The following DACH2 variants were observed in gnomAD, a reference collection of about 807,000 sequenced individuals.
The protein encoded by DACH2 is dachshund homolog 2.
A neutral mutation model predicts 35.8 loss-of-function variants in DACH2; 17 were observed. The ratio of observed to expected loss-of-function variants is 0.48; its 90% CI spans 0.33 to 0.71. The LOEUF is 0.71. DACH2 is among the 30% of genes least tolerant of loss of function. The pLI, the probability that DACH2 is intolerant of heterozygous loss-of-function variation, is 0.02. For missense variants in DACH2, 469 were observed against 472.7 expected (o/e 0.99, Z 0.07); for synonymous variants, 195 against 177.3 (o/e 1.10, Z -0.79).
intron 7 of DACH2, among the ~76,000 whole-genome samples, chrX:86,784,710 A>G (rs765140560): frequency 8.9e-6 from 1 of 112,102 alleles, no homozygotes; most frequent in East Asian, 2.8e-4. Context: ...CACAATAGCA[A>G]AGACATGGAA....
chrX:86,311,250 G>T lies in DACH2; in HGVS notation c.489-65574G>T, dbSNP rs545807724. On this transcript the variant is annotated intron_variant, in intron 1 of 11. Transcript: ENST00000373125. ...CAAGATTACCATCCATGGACTCACG[G>T]AATGCCTTATCCACCATCACGGTAT... Among the ~76,000 whole-genome samples, 20 of 112,075 alleles carry T rather than the reference G, an allele frequency of 1.8e-4. 1 individual carries two copies. Among genetic ancestry groups the T allele is most frequent in the African/African-American group, 3.9e-4 (12 of 30,875 alleles).
At chrX:86,786,071 C>G (rs1256061627) in intron 7 of DACH2, among the ~76,000 whole-genome samples, 2 of 111,277 alleles carry the variant, frequency 1.8e-5, no homozygotes, top group African/African-American at 3.3e-5. Flanking sequence ...CTCCTTTCTT[C>G]CATAATACTA....
intron 7 of DACH2, among the ~76,000 whole-genome samples, chrX:86,771,953 C>G (rs932749755): frequency 9.0e-6 from 1 of 111,557 alleles, no homozygotes; most frequent in Non-Finnish European, 1.9e-5. Context: ...GTTGGTATAT[C>G]AGTTCAGCGT....
chrX:86,259,839 C>T (rs1022377725), intron 1 of DACH2, among the ~76,000 whole-genome samples: 2 of 111,438 alleles, frequency 1.8e-5, no homozygotes, highest in Non-Finnish European at 3.8e-5. Flanking sequence ...ATGACAGGTG[C>T]CGTCATATTT....
rs376141322 is a variant in DACH2 at position 86,334,150 on chromosome X, T to A, written c.489-42674T>A. 3.1e-4 allele frequency among the ~76,000 whole-genome samples: 35 copies of A among 112,384 alleles called. No individual in the cohort carries two copies. The East Asian group carries it at 3.7e-3, about 12-fold the overall frequency. On this transcript the variant is annotated intron_variant, in intron 1 of 11. Transcript: ENST00000373125. ...TGTGCCACATTTTCTTTATCCAGTC[T>A]ATCATTGATGGGCATTTGGGTTGGT...
rs182379649 is a variant in DACH2, at chrX:86,747,131, T to C, written c.1240+7249T>C. Among the ~76,000 whole-genome samples, 581 of 111,384 alleles carry C rather than the reference T, an allele frequency of 5.2e-3. 3 individuals carry two copies. The highest frequency in any genetic ancestry group is 0.018 in the African/African-American group (553 of 30,758). ...AAGTTTTAAAATAAAGACATATGAG[T>C]CTTTTATTATTTTATTCAGAATTGC... On this transcript the variant is annotated intron_variant, in intron 7 of 11. Coordinates refer to ENST00000373125, the MANE Select transcript of DACH2 (RefSeq NM_053281.3).
At chrX:86,573,999 A>C (rs2039405181) in intron 3 of DACH2, among the ~76,000 whole-genome samples, 1 of 112,117 alleles carries the variant, frequency 8.9e-6, no homozygotes. Context: ...GTATTATTGA[A>C]AAATCTTATT....
chrX:86,623,109 T>G (rs2040087812), intron 3 of DACH2, among the ~76,000 whole-genome samples: 1 of 112,017 alleles, frequency 8.9e-6, no homozygotes, highest in Non-Finnish European at 1.9e-5. Context: ...CAAAGCTGAG[T>G]AAGACATAGT....
chrX:86,275,941 T>C (rs1423500847), intron 1 of DACH2, among the ~76,000 whole-genome samples: 1 of 112,415 alleles, frequency 8.9e-6, no homozygotes, highest in Non-Finnish European at 1.9e-5. Flanking sequence ...CCACATTTTC[T>C]TTATTCATTC....
At chrX:86,444,547 T>G (rs1223500793) in intron 2 of DACH2, among the ~76,000 whole-genome samples, 1 of 112,021 alleles carries the variant, frequency 8.9e-6, no homozygotes, top group Non-Finnish European at 1.9e-5. Flanking sequence ...GTAGGTTGTA[T>G]GAGTACAGGA....
At chrX:86,675,340 A>T (rs181044854) in intron 4 of DACH2, among the ~76,000 whole-genome samples, 1 of 111,528 alleles carries the variant, frequency 9.0e-6, no homozygotes, top group Admixed American at 9.6e-5. Context: ...GAGGTTGGAA[A>T]ATTACTAGTA....
intron 1 of DACH2, among the ~76,000 whole-genome samples, chrX:86,200,434 T>C (rs2032118787): frequency 9.1e-6 from 1 of 110,284 alleles, no homozygotes; most frequent in African/African-American, 3.3e-5. Context: ...AATTCACAAA[T>C]AGAACCTAAT....
intron 1 of DACH2, among the ~76,000 whole-genome samples, chrX:86,333,702 C>T (rs1197754691): frequency 2.7e-5 from 3 of 111,504 alleles, no homozygotes; most frequent in Admixed American, 9.5e-5. Context: ...TTAATTTGGT[C>T]AAAATGTTTG....
chrX:86,670,621 CCTAT>C (rs2148424284), intron 4 of DACH2, among the ~76,000 whole-genome samples: 1 of 111,546 alleles, frequency 9.0e-6, no homozygotes, highest in African/African-American at 3.3e-5. Flanking sequence ...TACGTCTCTG[CCTAT>C]CTTTTTGGCT....
At chrX:86,720,174 T>C (rs1219880207) in intron 6 of DACH2, among the ~76,000 whole-genome samples, 1 of 109,306 alleles carries the variant, frequency 9.1e-6, no homozygotes, top group African/African-American at 3.3e-5. Context: ...CCTGACCTTG[T>C]GATCCACCTG....
At chrX:86,399,432 A>T (rs778292843) in intron 2 of DACH2, among the ~76,000 whole-genome samples, 1 of 111,503 alleles carries the variant, frequency 9.0e-6, no homozygotes, top group South Asian at 3.8e-4. Flanking sequence ...TTATGATGTT[A>T]ACTGGTTATT....
At chrX:86,756,641 C>A (rs1034450251) in intron 7 of DACH2, among the ~76,000 whole-genome samples, 2 of 110,850 alleles carry the variant, frequency 1.8e-5, no homozygotes, top group African/African-American at 3.3e-5. Flanking sequence ...TTGGTGAAAT[C>A]TTTAGGTTTT....
chrX:86,591,632 G>A (rs1429534425), intron 3 of DACH2, among the ~76,000 whole-genome samples: 1 of 107,308 alleles, frequency 9.3e-6, no homozygotes, highest in African/African-American at 3.5e-5. Flanking sequence ...CCGCCTCCTG[G>A]GTTCAAGCAA....
chrX:86,623,769 G>GAGTCAATAAATCT (rs1381807326), intron 3 of DACH2, among the ~76,000 whole-genome samples: 2 of 108,147 alleles, frequency 1.8e-5, no homozygotes, highest in Non-Finnish European at 3.9e-5. Context: ...AAAAGTGGCG[G>GAGTCAATAAATCT]CCGGGCGCGG....
Sources: allele counts gnomAD v4.1 joint callset (sites outside exome capture counted in the v4.1 genomes callset), GRCh38; gene constraint gnomAD v4.1.1; transcripts MANE v1.5; gene names NCBI Gene and HGNC (gene_info 2026-07-23, HGNC 2026-07-21).